The following WDR64 variants were observed in gnomAD, a reference collection of about 807,000 sequenced individuals.
WDR64 encodes WD repeat domain 64.
Under a neutral mutation model 139.3 loss-of-function variants are expected in WDR64, and 112 were observed. The observed-to-expected ratio is 0.80, with a 90% CI of 0.69 to 0.94. The LOEUF is 0.94. Among genes scored for constraint, WDR64 ranks in the 40% least tolerant of loss-of-function variants. WDR64 has a pLI of 0.00. For synonymous variants in WDR64, 444 were observed against 437.7 expected, an observed-to-expected ratio of 1.01 and a Z score of -0.18; for missense variants, 1,206 against 1,293.1, an observed-to-expected ratio of 0.93 and a Z score of 1.03.
chr1:241,687,376 A>G, intron 7 of WDR64, 85 bp from the exon 8 acceptor site: 1 of 1,518,266 alleles, frequency 6.6e-7, no homozygotes, highest in Non-Finnish European at 9.0e-7. Context: ...CAATTCAGTT[A>G]CAGTCAAAGT....
intron 16 of WDR64, among the ~76,000 whole-genome samples, 157 bp from the exon 17 acceptor site, chr1:241,769,247 A>C (rs1031946298): frequency 6.6e-6 from 1 of 152,356 alleles, no homozygotes; most frequent in African/African-American, 2.4e-5. Context: ...TTGCTAAAAA[A>C]GCTATGTTCA....
In WDR64 at chr1:241,723,204, C is replaced by T. The variant is rs189984007; in HGVS notation, c.1055-93C>T. Reference sequence around the variant, plus strand: ...CAGAAACGGACTGTGATTTGCTGTTCGAAGAAAGATACGGGTATGATACAG... The same window carrying T: ...CAGAAACGGACTGTGATTTGCTGTTTGAAGAAAGATACGGGTATGATACAG... On this transcript the variant is annotated intron_variant, in intron 9 of 27. Coordinates refer to ENST00000437684, the MANE Select transcript of WDR64 (RefSeq NM_001367482.1). 6.1e-3 allele frequency: 8,920 copies of T among 1,472,118 alleles called. 36 individuals are homozygous for T. The highest frequency in any genetic ancestry group is 7.5e-3 in the Non-Finnish European group (8,078 of 1,082,990). The allele number at this position is 1,472,118 out of a possible 1,614,324, so 91.2% of individuals were successfully genotyped here.
chr1:241,691,022 T>A (rs573074780), intron 8 of WDR64, among the ~76,000 whole-genome samples: 12 of 152,248 alleles, frequency 7.9e-5, no homozygotes, highest in African/African-American at 2.9e-4. Flanking sequence ...ATGGAAGGAA[T>A]TAGGATTTTT....
At chr1:241,731,438 C>T (rs1313040842) in intron 10 of WDR64, among the ~76,000 whole-genome samples, 4 of 151,900 alleles carry the variant, frequency 2.6e-5, no homozygotes, top group Admixed American at 6.6e-5. Flanking sequence ...ACGTTCATAA[C>T]GACCCTATGA....
intron 3 of WDR64, among the ~76,000 whole-genome samples, chr1:241,674,301 C>T (rs1290335608): frequency 2.7e-5 from 4 of 145,944 alleles, no homozygotes; most frequent in Non-Finnish European, 4.5e-5. Context: ...CTCTGTCACC[C>T]AGGCTGGAGT....
At chr1:241,661,153 T>A (rs1404495582) in intron 2 of WDR64, among the ~76,000 whole-genome samples, 5 of 150,870 alleles carry the variant, frequency 3.3e-5, no homozygotes, top group Non-Finnish European at 7.4e-5. Flanking sequence ...TTATAAATTA[T>A]CTGGTTCTTT....
At chr1:241,701,278 G>GTGCA (rs1667700954) in intron 8 of WDR64, among the ~76,000 whole-genome samples, 1 of 150,892 alleles carries the variant, frequency 6.6e-6, no homozygotes, top group African/African-American at 2.5e-5. Flanking sequence ...GCACATGCGC[G>GTGCA]CACACACACA....
At chr1:241,678,962 T>C (rs774998489) in intron 5 of WDR64, among the ~76,000 whole-genome samples, 1 of 148,682 alleles carries the variant, frequency 6.7e-6, no homozygotes, top group Non-Finnish European at 1.5e-5. Context: ...CAGTCATAAA[T>C]GGAAGCTTCT....
intron 8 of WDR64, among the ~76,000 whole-genome samples, chr1:241,707,866 TA>T (rs1668012553): frequency 1.3e-5 from 2 of 152,214 alleles, no homozygotes; most frequent in South Asian, 4.1e-4. Context: ...TCAGCAAGAT[TA>T]AGTGACTTTT....
chr1:241,791,670 T>TG (rs1012996897), intron 25 of WDR64, among the ~76,000 whole-genome samples: 5 of 145,802 alleles, frequency 3.4e-5, no homozygotes, highest in African/African-American at 1.2e-4. Context: ...AGACCCTGTC[T>TG]GGGGGAAAAA....
chr1:241,775,432 TG>T, intron 21 of WDR64, among the ~76,000 whole-genome samples: 1 of 152,236 alleles, frequency 6.6e-6, no homozygotes. Context: ...GGCAAGGCAT[TG>T]CCCTCCTTCT....
chr1:241,728,170 TAA>T (rs1400747739), intron 10 of WDR64, among the ~76,000 whole-genome samples: 3 of 151,604 alleles, frequency 2.0e-5, no homozygotes, highest in Non-Finnish European at 4.4e-5. Flanking sequence ...CTGTCACTAC[TAA>T]AACTACAAAA....
intron 16 of WDR64, among the ~76,000 whole-genome samples, chr1:241,769,126 T>A (rs7418764): frequency 0.8 from 121,531 of 151,946 alleles, 49,142 homozygotes; most frequent in African/African-American, 0.9. Flanking sequence ...ATAGAGTTTT[T>A]TCCATAGGAT....
chr1:241,775,024 T>C (rs1182669820), intron 20 of WDR64, 81 bp from the exon 21 acceptor site: 27 of 1,111,258 alleles, frequency 2.4e-5, no homozygotes, highest in Admixed American at 1.1e-4. Flanking sequence ...ATTATTTACA[T>C]AGAAAAATCA....
At chr1:241,671,298 T>C in intron 3 of WDR64, 122 bp downstream of exon 3, 1 of 689,200 alleles carries the variant, frequency 1.5e-6, no homozygotes, top group Non-Finnish European at 2.4e-6. Context: ...ACTTTATCAC[T>C]AGGTGTCGGG....
At chr1:241,710,353 C>T (rs1432539348) in intron 8 of WDR64, among the ~76,000 whole-genome samples, 8 of 152,158 alleles carry the variant, frequency 5.3e-5, no homozygotes, top group African/African-American at 7.2e-5. Context: ...AATTGAAGCA[C>T]GGTGATGGAG....
intron 27 of WDR64, among the ~76,000 whole-genome samples, chr1:241,796,874 GAA>G (rs1474359970): frequency 1.3e-5 from 2 of 152,160 alleles, no homozygotes; most frequent in African/African-American, 4.8e-5. Flanking sequence ...GCTGGACAGA[GAA>G]AGAGAAAAAT....
intron 1 of WDR64, among the ~76,000 whole-genome samples, chr1:241,653,848 G>A (rs1175875588): frequency 6.6e-6 from 1 of 152,006 alleles, no homozygotes; most frequent in African/African-American, 2.4e-5. Context: ...CCCGGCCAAA[G>A]TCACCCAACT....
chr1:241,672,316 A>AAC (rs138021671), intron 3 of WDR64, among the ~76,000 whole-genome samples: 45 of 151,688 alleles, frequency 3.0e-4, no homozygotes, highest in South Asian at 1.0e-3. Context: ...AGAAAAAGAA[A>AAC]ACACACACAC....
Sources: gnomAD v4.1 joint callset for allele counts (sites outside exome capture counted in the v4.1 genomes callset) on GRCh38, gnomAD v4.1.1 for gene constraint, MANE v1.5 for transcripts, NCBI Gene and HGNC (gene_info 2026-07-23, HGNC 2026-07-21) for gene names.